The following RASL10A variants were observed in gnomAD, a reference collection of about 807,000 sequenced individuals.
The protein encoded by RASL10A is RAS like family 10 member A, also known as ras-like protein family member 10A.
In RASL10A, 13 loss-of-function variants were observed where a neutral mutation model predicts 17.3. That is an observed-to-expected ratio of 0.75 (90% CI 0.49 to 1.20). The LOEUF (loss-of-function observed/expected upper bound fraction) is 1.20, where lower values mean the gene tolerates loss of function less well. Among genes scored for constraint, RASL10A ranks in the 50% most tolerant of loss-of-function variants. The probability of loss-of-function intolerance (pLI) is 0.00; values close to 1 mark genes in which losing one functional copy is unlikely to be tolerated. For missense variants in RASL10A, 307 were observed against 310.3 expected (o/e 0.99, Z 0.08); for synonymous variants, 159 against 142.2 (o/e 1.12, Z -0.84).
At chr22:29,316,730 A>C (rs975719173), upstream of RASL10A, 4 of 152,282 alleles carry the variant, frequency 2.6e-5, no homozygotes, top group Admixed American at 2.0e-4. Context: ...AAATGGCCGC[A>C]ATGCACAGAT....
rs1284560067 is a variant in RASL10A at position 29,313,429 on chromosome 22, T to C, written c.484A>G (p.Lys162Glu). ...WRCGYLECSA[K>E]YNWHVLRLFR... is the part of the protein sequence containing the mutation. ...AGACGCAGCACGTGCCAGTTGTACT[T>C]GGCGGAGCACTCGAGGTAGCCGCAG... Residue 162 changes from lysine (K) to glutamate (E), a missense_variant, in exon 3 of 3, where the codon AAG becomes GAG. Coordinates refer to ENST00000216101, the MANE Select transcript of RASL10A (RefSeq NM_006477.5). 7.1e-6 allele frequency: 11 copies of C among 1,541,178 alleles called. No individual in the cohort carries two copies. Among genetic ancestry groups the C allele is most frequent in the Non-Finnish European group, 9.6e-6 (11 of 1,146,952 alleles).
rs191041003 is a variant in RASL10A, at chr22:29,313,140, G to C, written c.*161C>G. On this transcript the variant is annotated 3_prime_UTR_variant, in exon 3 of 3. Transcript: ENST00000216101. ...TGGTTGGGTCCAATGAGGTTCAAAA[G>C]GGGGCCAGTCGCTTAGGAGACTGGG... 6.0e-6 allele frequency: 6 copies of C among 1,004,964 alleles called. No individual in the cohort carries two copies. The highest frequency in any genetic ancestry group is 8.1e-6 in the Non-Finnish European group (6 of 738,452). The allele number at this position is 1,004,964 out of a possible 1,614,324, so 62.3% of individuals were successfully genotyped here.
chr22:29,314,482 A>T (rs1004398362), intron 1 of RASL10A, among the ~76,000 whole-genome samples: 1 of 150,422 alleles, frequency 6.6e-6, no homozygotes, highest in Non-Finnish European at 1.5e-5. Context: ...CTCAAATGCC[A>T]CTCCCTCCAG....
upstream of RASL10A, among the ~76,000 whole-genome samples, chr22:29,316,446 C>G (rs2061454620): frequency 6.6e-6 from 1 of 152,178 alleles, no homozygotes; most frequent in Non-Finnish European, 1.5e-5. Flanking sequence ...GAAATTGGCC[C>G]ACTCCACCTC....
In RASL10A at chr22:29,314,987, T is replaced by A. The variant is rs2061444228; in HGVS notation, c.219+41A>T. The A allele has an allele frequency of 4.9e-6, 7 of 1,425,998 alleles. No individual in the cohort carries two copies. In the South Asian group the frequency reaches 8.5e-5, roughly 17 times the overall value. The allele number at this position is 1,425,998 out of a possible 1,614,324, so 88.3% of individuals were successfully genotyped here. The stretch of plus-strand genomic sequence containing the variant: ...CGTGTGCACCGAGCACGCACACCCC[T>A]CACACTGTCACACGCCCCTGCCCGC... On this transcript the variant is annotated intron_variant, in intron 1 of 2. Transcript: ENST00000216101.
rs1300280506 is a variant in RASL10A at position 29,315,605 on chromosome 22, CGCGGGTCCCGCAGCGGT to C, written c.-376_-360del. On this transcript the variant is annotated 5_prime_UTR_variant, in exon 1 of 3. Transcript: ENST00000216101. The surrounding 1 kb of genome is among the most constrained non-coding windows in gnomAD (Gnocchi z 5.5). ...GCGCCGAAGTCCGCCCCTCTCGCGG[CGCGGGTCCCGCAGCGGT>C]GCGGGGCGCGGGGGGCAGCGCTGCC... 6.4e-6 allele frequency: 1 copy of C among 156,572 alleles called. No homozygotes were observed. Among genetic ancestry groups the C allele is most frequent in the African/African-American group, 2.4e-5 (1 of 41,612 alleles). The allele number at this position is 156,572 out of a possible 1,614,324, so 9.7% of individuals were successfully genotyped here. A position where few individuals can be genotyped will look rare whatever the true frequency, so the allele number is the denominator to read the frequency against.
chr22:29,313,694 G>A, intron 2 of RASL10A, 126 bp from the exon 3 acceptor site: 5 of 1,412,162 alleles, frequency 3.5e-6, no homozygotes, highest in Non-Finnish European at 3.7e-6. Context: ...CCGCCCCAAC[G>A]AAACCCCAGG....
In RASL10A at chr22:29,315,136, G is replaced by A. The variant is rs779847684; in HGVS notation, c.111C>T (p.Asp37=). 7.2e-6 allele frequency: 11 copies of A among 1,532,094 alleles called. No homozygotes were observed. The East Asian group carries it at 2.8e-4, about 39-fold the overall frequency. 94.9% of individuals were successfully genotyped at this position (1,532,094 alleles called of 1,614,324 possible). Residue 37 remains aspartate (D), a synonymous_variant, in exon 1 of 3, where the codon GAC becomes GAT. Transcript: ENST00000216101. The surrounding 1 kb of genome is among the most constrained non-coding windows in gnomAD (Gnocchi z 5.5). Reference sequence around the variant, plus strand: ...CCGCGGGTCGGTAGAGGCGCGGCCCGTCCGTGGGCCGGTGGCGCTCGGGGT... The same window carrying A: ...CCGCGGGTCGGTAGAGGCGCGGCCCATCCGTGGGCCGGTGGCGCTCGGGGT... The part of the protein sequence containing the change: ...GDYPERHRPT[D]GPRLYRPAVL...
rs747659866 is a variant in RASL10A, at chr22:29,313,853, G to A, written c.344+10C>T. On this transcript the variant is annotated intron_variant, in intron 2 of 2. Transcript: ENST00000216101. ...CTAGCTCCCCACCGCCAGAACTGCC[G>A]GGCCCCTACCTGGTCTCCGCGATGC... The A allele has an allele frequency of 5.6e-6, 9 of 1,612,832 alleles. No homozygotes were observed. The highest frequency in any genetic ancestry group is 5.5e-5 in the South Asian group (5 of 91,082).
chr22:29,313,811 GC>G (rs746363053), intron 2 of RASL10A, 51 bp downstream of exon 2: 1 of 1,604,706 alleles, frequency 6.2e-7, no homozygotes, highest in Non-Finnish European at 8.5e-7. Flanking sequence ...TCAGGCAAAG[GC>G]CCTGCCAGAC....
intron 2 of RASL10A, 53 bp from the exon 3 acceptor site, chr22:29,313,621 C>A: frequency 1.4e-6 from 2 of 1,480,730 alleles, no homozygotes; most frequent in Non-Finnish European, 1.8e-6. Flanking sequence ...CGGAGAATTC[C>A]CCCAGTGGGT....
chr22:29,316,166 A>G (rs1000865897), upstream of RASL10A, among the ~76,000 whole-genome samples: 2 of 152,212 alleles, frequency 1.3e-5, no homozygotes, highest in African/African-American at 4.8e-5. Flanking sequence ...TCTCGAACCT[A>G]CAGCCTCAGC....
Position 29,313,573 on chromosome 22 carries a change from G to T in RASL10A, c.345-5C>A. On this transcript the variant is annotated splice_region_variant and splice_polypyrimidine_tract_variant and intron_variant, in intron 2 of 2. Transcript: ENST00000216101. ...GCTTCGGGCGCGCCCGCCGGCCTGGGGGCCGAATGGAGATGAGAGACGCGG... is the reference window on the plus strand; with the variant it reads ...GCTTCGGGCGCGCCCGCCGGCCTGGTGGCCGAATGGAGATGAGAGACGCGG... 1 of 1,529,852 alleles carries T rather than the reference G, an allele frequency of 6.5e-7. No homozygotes were observed. Among genetic ancestry groups the T allele is most frequent in the Non-Finnish European group, 8.7e-7 (1 of 1,150,132 alleles). The allele number at this position is 1,529,852 out of a possible 1,614,324, so 94.8% of individuals were successfully genotyped here.
Position 29,315,059 on chromosome 22 carries a change from G to C in RASL10A, c.188C>G (p.Ala63Gly). Residue 63 changes from alanine to glycine, a missense_variant, in exon 1 of 3, where the codon GCT (alanine) becomes GGT (glycine). Ala to Gly is a moderately conservative substitution (Grantham distance 60). Transcript: ENST00000216101. The surrounding 1 kb of genome is among the most constrained non-coding windows in gnomAD (Gnocchi z 5.5). ...YDLSIRDGDVAGPGSSPGGPE... is the reference protein window; with the variant it reads ...YDLSIRDGDVGGPGSSPGGPE... Reference sequence around the variant, plus strand: ...ACCCCCGGGGCTCGAGCCGGGGCCAGCGACGTCGCCGTCGCGGATGCTCAA... The same window carrying C: ...ACCCCCGGGGCTCGAGCCGGGGCCACCGACGTCGCCGTCGCGGATGCTCAA... 2.0e-6 allele frequency: 3 copies of C among 1,517,980 alleles called. No individual in the cohort carries two copies. Among genetic ancestry groups the C allele is most frequent in the Non-Finnish European group, 2.6e-6 (3 of 1,137,080 alleles). The allele number at this position is 1,517,980 out of a possible 1,614,324, so 94.0% of individuals were successfully genotyped here. A position where few individuals can be genotyped will look rare whatever the true frequency, so the allele number is the denominator to read the frequency against.
At chr22:29,314,754 T>C (rs2061442762) in intron 1 of RASL10A, among the ~76,000 whole-genome samples, 1 of 150,468 alleles carries the variant, frequency 6.6e-6, no homozygotes, top group Admixed American at 6.6e-5. Flanking sequence ...CACCAAGAGC[T>C]GCTCCACACC....
chr22:29,315,358 T>A lies in RASL10A; in HGVS notation c.-112A>T. ...CCCTGCCCGGTGCGCCACGGCCCCG[T>A]CGCGCTTCTCGTCGCCCCTCGGAGC... On this transcript the variant is annotated 5_prime_UTR_variant, in exon 1 of 3. Transcript: ENST00000216101. This position sits in a 1 kb window ranked among gnomAD's most constrained non-coding sequence, Gnocchi z 5.5. The A allele has an allele frequency of 1.6e-6, 1 of 638,026 alleles. No homozygotes were observed. The highest frequency in any genetic ancestry group is 2.2e-6 in the Non-Finnish European group (1 of 463,190). 39.5% of individuals were successfully genotyped at this position (638,026 alleles called of 1,614,324 possible).
Position 29,312,951 on chromosome 22 carries a change from T to C in RASL10A, c.*350A>G, listed in dbSNP as rs188606062. On this transcript the variant is annotated 3_prime_UTR_variant, in exon 3 of 3. Coordinates refer to ENST00000216101, the MANE Select transcript of RASL10A (RefSeq NM_006477.5). ...GGCGCACTCAAATTATTTTCCCTTT[T>C]ATTATCCCGTGGTAGGTGTGGCATA... 6.3e-6 allele frequency: 2 copies of C among 316,556 alleles called. No individual in the cohort carries two copies. The highest frequency in any genetic ancestry group is 1.1e-5 in the Non-Finnish European group (2 of 174,376). 19.6% of individuals were successfully genotyped at this position (316,556 alleles called of 1,614,324 possible).
Position 29,315,315 on chromosome 22 carries a change from G to A in RASL10A, c.-69C>T, listed in dbSNP as rs1423985118. The stretch of plus-strand genomic sequence containing the variant: ...GCCGGCGCCGCACCGTGCGCCCCCA[G>A]GCCGTGCGCCCCGCGCGCCCTGCCC... On this transcript the variant is annotated 5_prime_UTR_variant, in exon 1 of 3. Coordinates refer to ENST00000216101, the MANE Select transcript of RASL10A (RefSeq NM_006477.5). This position sits in a 1 kb window ranked among gnomAD's most constrained non-coding sequence, Gnocchi z 5.5. The A allele has an allele frequency of 6.3e-6, 7 of 1,109,678 alleles. No homozygotes were observed. The highest frequency in any genetic ancestry group is 1.6e-5 in the African/African-American group (1 of 61,198). 68.7% of individuals were successfully genotyped at this position (1,109,678 alleles called of 1,614,324 possible).
At chr22:29,317,848 C>A (rs2061460780), upstream of RASL10A, among the ~76,000 whole-genome samples, 1 of 152,142 alleles carries the variant, frequency 6.6e-6, no homozygotes, top group African/African-American at 2.4e-5. Context: ...CCATGCCCGG[C>A]TAATTTTTGT....
Sources: gnomAD v4.1 joint callset for allele counts (sites outside exome capture counted in the v4.1 genomes callset) on GRCh38, gnomAD v4.1.1 for gene constraint, Gnocchi (gnomAD v3.1) non-coding constraint, MANE v1.5 for transcripts, NCBI Gene and HGNC (gene_info 2026-07-23, HGNC 2026-07-21) for gene names.